Variants in MDGA2 observed in about 807,000 individuals in gnomAD.
The protein encoded by MDGA2 is MAM domain containing glycosylphosphatidylinositol anchor 2, also known as MAM domain-containing glycosylphosphatidylinositol anchor protein 2.
MDGA2 carries 40 observed loss-of-function variants against 117.8 expected under a neutral mutation model. That is an observed-to-expected ratio of 0.34 (90% CI 0.26 to 0.44). MDGA2 has a LOEUF of 0.44. MDGA2 is among the 20% of genes least tolerant of loss of function. The pLI is 1.00. For synonymous variants in MDGA2, 452 were observed against 439.0 expected (o/e 1.03, Z -0.37); for missense variants, 1,123 against 1,250.6 (o/e 0.90, Z 1.54).
At chr14:47,201,389 C>G (rs188364426) in intron 3 of MDGA2, among the ~76,000 whole-genome samples, 2 of 152,270 alleles carry the variant, frequency 1.3e-5, no homozygotes, top group Admixed American at 6.5e-5. Context: ...CAAAGACATC[C>G]TAGCTCTGAA....
chr14:47,402,602 T>A (rs111633129), intron 1 of MDGA2, among the ~76,000 whole-genome samples: 2 of 152,148 alleles, frequency 1.3e-5, no homozygotes, highest in Non-Finnish European at 2.9e-5. Flanking sequence ...AAGAGGAGAA[T>A]GTAAAAGAAG....
intron 11 of MDGA2, among the ~76,000 whole-genome samples, chr14:46,878,481 GC>G (rs1457106616): frequency 1.3e-5 from 2 of 151,932 alleles, no homozygotes; most frequent in East Asian, 3.9e-4. Context: ...TTAAATTTGT[GC>G]AACAGTAATA....
At chr14:47,054,172 G>A (rs974045423) in intron 7 of MDGA2, among the ~76,000 whole-genome samples, 4 of 151,936 alleles carry the variant, frequency 2.6e-5, no homozygotes, top group Non-Finnish European at 4.4e-5. Flanking sequence ...ACAATCTGCA[G>A]AATGTTTTCT....
chr14:46,904,929 T>C (rs1299580685), intron 10 of MDGA2, among the ~76,000 whole-genome samples: 1 of 152,154 alleles, frequency 6.6e-6, no homozygotes, highest in Middle Eastern at 3.2e-3. Flanking sequence ...AGTTGTATTA[T>C]CAGGGTAGTC....
At chr14:47,315,176 T>C (rs1459825660) in intron 1 of MDGA2, among the ~76,000 whole-genome samples, 1 of 152,182 alleles carries the variant, frequency 6.6e-6, no homozygotes, top group African/African-American at 2.4e-5. Context: ...ATAATACTTT[T>C]TCTACTTCTA....
At chr14:47,487,256 A>T (rs1326287620) in intron 1 of MDGA2, among the ~76,000 whole-genome samples, 2 of 152,188 alleles carry the variant, frequency 1.3e-5, no homozygotes, top group Non-Finnish European at 2.9e-5. Context: ...GGATAATCCC[A>T]ATGGAGAGTT....
chr14:47,646,950 G>A (rs1182623377), intron 1 of MDGA2, among the ~76,000 whole-genome samples: 2 of 152,080 alleles, frequency 1.3e-5, no homozygotes, highest in Non-Finnish European at 1.5e-5. Flanking sequence ...CTATTTAGGA[G>A]CATTCTACTG....
intron 5 of MDGA2, among the ~76,000 whole-genome samples, chr14:47,122,662 A>C (rs1881712738): frequency 6.6e-6 from 1 of 152,130 alleles, no homozygotes; most frequent in Non-Finnish European, 1.5e-5. Context: ...TCTAAGCCAC[A>C]AGTTATATGT....
intron 8 of MDGA2, among the ~76,000 whole-genome samples, chr14:46,963,326 T>C (rs1231759342): frequency 6.6e-6 from 1 of 152,234 alleles, no homozygotes; most frequent in Non-Finnish European, 1.5e-5. Flanking sequence ...TCAATGTACT[T>C]CTTTTGTTCT....
At chr14:47,149,029 C>A (rs561190901) in intron 3 of MDGA2, among the ~76,000 whole-genome samples, 11 of 152,208 alleles carry the variant, frequency 7.2e-5, no homozygotes, top group African/African-American at 2.6e-4. Context: ...GTGGATCATG[C>A]CTGTAATCCC....
At chr14:46,967,793 T>G (rs1886094428) in intron 8 of MDGA2, among the ~76,000 whole-genome samples, 1 of 152,154 alleles carries the variant, frequency 6.6e-6, no homozygotes, top group South Asian at 2.1e-4. Context: ...TATGATAAAT[T>G]TTCATTTATT....
intron 1 of MDGA2, among the ~76,000 whole-genome samples, chr14:47,583,968 T>A (rs902313447): frequency 2.5e-4 from 38 of 151,870 alleles, no homozygotes; most frequent in Admixed American, 2.5e-3. Context: ...GGCAATTAAG[T>A]TACTTATTCT....
intron 14 of MDGA2, among the ~76,000 whole-genome samples, chr14:46,858,848 A>T (rs1881391033): frequency 6.6e-6 from 1 of 152,182 alleles, no homozygotes; most frequent in Non-Finnish European, 1.5e-5. Flanking sequence ...TTATTTGGAT[A>T]TCTAGTTACT....
chr14:47,098,329 C>T (rs1880103709), intron 5 of MDGA2, among the ~76,000 whole-genome samples: 1 of 145,422 alleles, frequency 6.9e-6, no homozygotes, highest in Non-Finnish European at 1.5e-5. Context: ...ATGGGAAAGA[C>T]ATGAAGTGCC....
intron 5 of MDGA2, among the ~76,000 whole-genome samples, chr14:47,104,697 G>C (rs988421355): frequency 2.9e-4 from 44 of 152,230 alleles, no homozygotes; most frequent in Non-Finnish European, 6.0e-4. Flanking sequence ...CCGTGACTCA[G>C]ATCGGGGGAC....
chr14:47,457,814 T>G (rs1229042805), intron 1 of MDGA2, among the ~76,000 whole-genome samples: 5 of 70,486 alleles, frequency 7.1e-5, no homozygotes, highest in Admixed American at 2.7e-4. Context: ...TTTTTTCTGT[T>G]TTTTTTTTTT....
At chr14:47,219,449 G>A (rs977197793) in intron 2 of MDGA2, among the ~76,000 whole-genome samples, 1 of 151,934 alleles carries the variant, frequency 6.6e-6, no homozygotes, top group Non-Finnish European at 1.5e-5. Context: ...AATACACAAA[G>A]ATGCAAATGG....
intron 3 of MDGA2, among the ~76,000 whole-genome samples, chr14:47,165,941 TATGAG>T (rs997084078): frequency 6.6e-6 from 1 of 151,826 alleles, no homozygotes; most frequent in African/African-American, 2.4e-5. Flanking sequence ...AGTGGCTAAA[TATGAG>T]ATAATTCCAT....
intron 1 of MDGA2, among the ~76,000 whole-genome samples, chr14:47,421,429 A>G (rs1892576643): frequency 6.6e-6 from 1 of 152,170 alleles, no homozygotes; most frequent in Non-Finnish European, 1.5e-5. Context: ...GTTTTCAGAA[A>G]AAGATGGACA....
Sources: gnomAD v4.1 joint callset for allele counts (sites outside exome capture counted in the v4.1 genomes callset) on GRCh38, gnomAD v4.1.1 for gene constraint, MANE v1.5 for transcripts, NCBI Gene and HGNC (gene_info 2026-07-23, HGNC 2026-07-21) for gene names.